The following ATP13A4 variants were observed in gnomAD, a reference collection of about 807,000 sequenced individuals.
The protein encoded by ATP13A4 is ATPase 13A4, also known as probable cation-transporting ATPase 13A4.
In ATP13A4, 114 loss-of-function variants were observed where a neutral mutation model predicts 142.5. The ratio of observed to expected loss-of-function variants is 0.80; its 90% CI spans 0.69 to 0.93. The LOEUF (loss-of-function observed/expected upper bound fraction) is 0.93, where lower values mean the gene tolerates loss of function less well. Among genes scored for constraint, ATP13A4 ranks in the 40% least tolerant of loss-of-function variants. The pLI, the probability that ATP13A4 is intolerant of heterozygous loss-of-function variation, is 0.00. For synonymous variants in ATP13A4, 488 were observed against 514.8 expected, an observed-to-expected ratio of 0.95 and a Z score of 0.70; for missense variants, 1,392 against 1,454.0, an observed-to-expected ratio of 0.96 and a Z score of 0.69.
In ATP13A4 at chr3:193,517,411, C is replaced by A. The variant is rs1721473454; in HGVS notation, c.61-2540G>T. Among the ~76,000 whole-genome samples, 4 of 152,292 alleles carry A rather than the reference C, an allele frequency of 2.6e-5. No homozygotes were observed. In the South Asian group the frequency reaches 6.2e-4, roughly 24 times the overall value. On this transcript the variant is annotated intron_variant, in intron 1 of 29. Coordinates refer to ENST00000342695, the MANE Select transcript of ATP13A4 (RefSeq NM_032279.4). ...GGTGCTATTAATAATAACACTGGGA[C>A]AACAGGAGTAGGTGGGTGTGAAGCG...
In ATP13A4 at chr3:193,492,019, T is replaced by G. The variant is rs368109502; in HGVS notation, c.534-621A>C. 8.8e-4 allele frequency among the ~76,000 whole-genome samples: 134 copies of G among 152,330 alleles called. 1 individual carries two copies. The highest frequency in any genetic ancestry group is 3.1e-3 in the African/African-American group (129 of 41,582). ...ACTGTTGAAAACACTAACCGCTTTC[T>G]CTGTGTCTTCCACCTCGATGCTCAG... On this transcript the variant is annotated intron_variant, in intron 5 of 29. Transcript: ENST00000342695.
chr3:193,501,324 A>C (rs1720527693), intron 3 of ATP13A4, among the ~76,000 whole-genome samples: 1 of 152,130 alleles, frequency 6.6e-6, no homozygotes. Flanking sequence ...GCAGTGGCAC[A>C]CCCCTATAAT....
At chr3:193,585,522 A>C (rs907425293) in intron 1 of ATP13A4, among the ~76,000 whole-genome samples, 1 of 151,648 alleles carries the variant, frequency 6.6e-6, no homozygotes, top group African/African-American at 2.4e-5. Context: ...AGCTATTGTT[A>C]GTTTATTTTA....
chr3:193,424,763 G>T (rs1315631876), intron 25 of ATP13A4, among the ~76,000 whole-genome samples: 1 of 149,418 alleles, frequency 6.7e-6, no homozygotes, highest in Non-Finnish European at 1.5e-5. Flanking sequence ...TTTGATTTGG[G>T]CAATAATTTT....
Position 193,520,400 on chromosome 3 carries a change from T to C in ATP13A4, c.61-5529A>G, listed in dbSNP as rs115549324. Among the ~76,000 whole-genome samples the C allele has an allele frequency of 5.3e-3, 812 of 152,346 alleles. 2 individuals are homozygous for C. The highest frequency in any genetic ancestry group is 9.3e-3 in the Non-Finnish European group (630 of 68,026). The stretch of plus-strand genomic sequence containing the variant: ...AGGAAATGTTAAACTAGTCACATCA[T>C]TTGCATTACATCAAGTTAATCTCTA... On this transcript the variant is annotated intron_variant, in intron 1 of 29. Transcript: ENST00000342695.
intron 25 of ATP13A4, among the ~76,000 whole-genome samples, 164 bp downstream of exon 25, chr3:193,433,680 TA>T (rs1716101388): frequency 6.6e-6 from 1 of 152,226 alleles, no homozygotes; most frequent in East Asian, 1.9e-4. Context: ...TTGCAATACT[TA>T]AAAATGAGGA....
rs1227972240 is a variant in ATP13A4 at position 193,414,616 on chromosome 3, C to A, written c.2977G>T (p.Val993Phe). The change falls in exon 26 of 30, where the codon GTT becomes TTT. Residue 993 changes from valine to phenylalanine, a missense_variant. Coordinates refer to ENST00000342695, the MANE Select transcript of ATP13A4 (RefSeq NM_032279.4). The stretch of plus-strand genomic sequence containing the variant: ...ACGGAATACCAAGGCTGCCTCTGAA[C>A]CAGGATGAAGCCTGCAATATGCATG... ...LAMHIAGFIL[V>F]QRQPWYSVEI... 1.2e-6 allele frequency: 2 copies of A among 1,614,028 alleles called. No homozygotes were observed. Among genetic ancestry groups the A allele is most frequent in the Middle Eastern group, 1.7e-4 (1 of 6,058 alleles).
chr3:193,507,553 C>A (rs967033479), intron 2 of ATP13A4, among the ~76,000 whole-genome samples: 7 of 152,156 alleles, frequency 4.6e-5, no homozygotes, highest in African/African-American at 1.2e-4. Context: ...AGGGACAACA[C>A]AATGAGGTTA....
chr3:193,474,322 C>CA (rs1176133187), intron 8 of ATP13A4, among the ~76,000 whole-genome samples: 1,692 of 68,972 alleles, frequency 0.025, 126 homozygotes, highest in Non-Finnish European at 0.027. Context: ...GACTCCGTCT[C>CA]AAAAAAAAAA....
intron 29 of ATP13A4, among the ~76,000 whole-genome samples, chr3:193,405,670 T>C (rs970636322): frequency 2.6e-5 from 4 of 152,098 alleles, no homozygotes; most frequent in Non-Finnish European, 5.9e-5. Context: ...ACTAAGCCAG[T>C]CCTGAAGCCA....
intron 29 of ATP13A4, 74 bp from the exon 30 acceptor site, chr3:193,402,938 A>G: frequency 1.5e-6 from 2 of 1,295,076 alleles, no homozygotes; most frequent in South Asian, 1.2e-5. Context: ...ACAGGCCATC[A>G]TAAGTCACTA....
At chr3:193,444,946 G>A (rs1291743223) in intron 18 of ATP13A4, among the ~76,000 whole-genome samples, 1 of 152,150 alleles carries the variant, frequency 6.6e-6, no homozygotes, top group Non-Finnish European at 1.5e-5. Context: ...TCTGCTTTTT[G>A]CCCTCTACCA....
intron 1 of ATP13A4, among the ~76,000 whole-genome samples, chr3:193,539,725 A>G (rs957889740): frequency 2.0e-5 from 3 of 152,250 alleles, no homozygotes; most frequent in African/African-American, 7.2e-5. Context: ...CTGTAGTGAT[A>G]GTGCCTACCT....
intron 9 of ATP13A4, 87 bp from the exon 10 acceptor site, chr3:193,467,573 A>T (rs1339105273): frequency 2.9e-6 from 4 of 1,398,468 alleles, no homozygotes; most frequent in Non-Finnish European, 4.0e-6. Context: ...TACAACAGAC[A>T]TTTTTTTTGT....
At chr3:193,573,317 A>ATATATTCT (rs1274034170) in intron 2 of ATP13A4, among the ~76,000 whole-genome samples, 2 of 141,638 alleles carry the variant, frequency 1.4e-5, no homozygotes, top group African/African-American at 2.7e-5. Context: ...ACATATATAT[A>ATATATTCT]TATATATATA....
intron 7 of ATP13A4, among the ~76,000 whole-genome samples, chr3:193,486,192 A>C (rs1430885663): frequency 6.6e-6 from 1 of 151,988 alleles, no homozygotes; most frequent in Admixed American, 6.5e-5. Context: ...GATTTTTAAG[A>C]GTTTAAAGAG....
At chr3:193,440,181 G>A (rs147572942) in intron 21 of ATP13A4, 307 of 237,424 alleles carry the variant, frequency 1.3e-3, no homozygotes, top group African/African-American at 6.3e-3. Flanking sequence ...TCATTGTGAT[G>A]ACGGCATATA....
At chr3:193,475,293 A>G (rs1346358318) in intron 8 of ATP13A4, among the ~76,000 whole-genome samples, 3 of 152,086 alleles carry the variant, frequency 2.0e-5, no homozygotes, top group African/African-American at 7.3e-5. Context: ...TCCTCCACAC[A>G]AGAGAGTACC....
At chr3:193,406,528 T>C (rs1255186452) in intron 29 of ATP13A4, among the ~76,000 whole-genome samples, 1 of 152,164 alleles carries the variant, frequency 6.6e-6, no homozygotes, top group Admixed American at 6.5e-5. Flanking sequence ...ATATTGTGTC[T>C]GGTAGTACTG....
Sources: gnomAD v4.1 joint callset for allele counts (sites outside exome capture counted in the v4.1 genomes callset) on GRCh38, gnomAD v4.1.1 for gene constraint, MANE v1.5 for transcripts, NCBI Gene and HGNC (gene_info 2026-07-23, HGNC 2026-07-21) for gene names.